FES: variants seen among roughly 807,000 people sequenced by gnomAD.
The protein encoded by FES is FES proto-oncogene, tyrosine kinase, also known as tyrosine-protein kinase Fes/Fps.
In FES, 83 loss-of-function variants were observed where a neutral mutation model predicts 109.6. That is an observed-to-expected ratio of 0.76 (90% CI 0.63 to 0.91). FES has a LOEUF of 0.91. Ranked by LOEUF, FES falls within the 40% of genes least tolerant of loss-of-function variation. The pLI is 0.00. For synonymous variants in FES, 458 were observed against 442.1 expected, an observed-to-expected ratio of 1.04 and a Z score of -0.45; for missense variants, 943 against 1,070.9, an observed-to-expected ratio of 0.88 and a Z score of 1.67.
At position 90,890,032 on chromosome 15, in the gene FES, C is replaced by T. The variant is rs1668929163; in HGVS notation, c.1050-60C>T. 2.7e-5 allele frequency: 42 copies of T among 1,573,986 alleles called. No individual in the cohort carries two copies. In the South Asian group the frequency reaches 4.4e-4, roughly 16 times the overall value. On this transcript the variant is annotated intron_variant, in intron 8 of 18. Coordinates refer to ENST00000328850, the MANE Select transcript of FES (RefSeq NM_002005.4). The stretch of plus-strand genomic sequence containing the variant: ...TCCTACCTACCCTAACTGCTGCTGG[C>T]TACCCGCCGCAGACCGAGCCCTTAT...
At chr15:90,891,913 C>A in intron 12 of FES, 145 bp from the exon 13 acceptor site, 3 of 1,105,714 alleles carry the variant, frequency 2.7e-6, no homozygotes, top group Non-Finnish European at 4.0e-6. Context: ...CCTGCCTGGA[C>A]CCCGTAGTCA....
Position 90,889,880 on chromosome 15 carries a change from A to T in FES, c.967A>T (p.Met323Leu), listed in dbSNP as rs56296062. 3.1e-6 allele frequency: 5 copies of T among 1,613,334 alleles called. No homozygotes were observed. The African/African-American group carries it at 6.7e-5, about 22-fold the overall frequency. ...VTDELAVATE[M>L]VFRRQEMVTQ... ...AGATGAGCTGGCTGTGGCCACCGAG[A>T]TGGTGTTCAGGCGGCAGGAGATGGT... Residue 323 changes from methionine to leucine, a missense_variant, in exon 8 of 19, where the codon ATG (methionine) becomes TTG (leucine). Met to Leu is a conservative substitution (Grantham distance 15). Coordinates refer to ENST00000328850, the MANE Select transcript of FES (RefSeq NM_002005.4). This position sits in a 1 kb window ranked among gnomAD's most constrained non-coding sequence, Gnocchi z 6.1.
At position 90,889,753 on chromosome 15, in the gene FES, G is replaced by A; in HGVS notation, c.927-87G>A. 1 of 1,603,594 alleles carries A rather than the reference G, an allele frequency of 6.2e-7. No homozygotes were observed. On this transcript the variant is annotated intron_variant, in intron 7 of 18. Transcript: ENST00000328850. This position sits in a 1 kb window ranked among gnomAD's most constrained non-coding sequence, Gnocchi z 6.1. ...CACAGAGCTGTCACCAGGTGGCCGG[G>A]CTTGCTTGGCTCTACAGGGATGCAC...
intron 5 of FES, among the ~76,000 whole-genome samples, chr15:90,887,998 A>G (rs2032824370): frequency 1.3e-5 from 2 of 152,348 alleles, no homozygotes; most frequent in South Asian, 4.1e-4. Flanking sequence ...TGGAGGAGGC[A>G]GGCGTCAAGG....
At position 90,889,373 on chromosome 15, in the gene FES, C is replaced by A. The variant is rs141047785; in HGVS notation, c.736C>A (p.Arg246=). The change falls in exon 6 of 19, where the codon CGG becomes AGG. Residue 246 remains arginine, a synonymous_variant. Coordinates refer to ENST00000328850, the MANE Select transcript of FES (RefSeq NM_002005.4). The surrounding 1 kb of genome is among the most constrained non-coding windows in gnomAD (Gnocchi z 6.1). ...LVQDEVVAIH[R]EMAAAAARIQ... ...GCAGGATGAGGTGGTGGCCATTCACCGGGAGATGGCTGCAGCTGCTGCCCG... is the reference window on the plus strand; with the variant it reads ...GCAGGATGAGGTGGTGGCCATTCACAGGGAGATGGCTGCAGCTGCTGCCCG... The A allele has an allele frequency of 2.5e-6, 4 of 1,614,012 alleles. No homozygotes were observed. The highest frequency in any genetic ancestry group is 3.4e-6 in the Non-Finnish European group (4 of 1,180,016).
rs527296372 is a variant in FES, at chr15:90,889,064, G to T, written c.669-242G>T. 2.2e-5 allele frequency: 12 copies of T among 533,818 alleles called. No individual in the cohort carries two copies. Among genetic ancestry groups the T allele is most frequent in the Non-Finnish European group, 4.0e-5 (12 of 301,296 alleles). 33.1% of individuals were successfully genotyped at this position (533,818 alleles called of 1,614,324 possible). A position where few individuals can be genotyped will look rare whatever the true frequency, so the allele number is the denominator to read the frequency against. On this transcript the variant is annotated intron_variant, in intron 5 of 18. Transcript: ENST00000328850. This position sits in a 1 kb window ranked among gnomAD's most constrained non-coding sequence, Gnocchi z 6.1. Reference sequence around the variant, plus strand: ...TCGACCTCCCAGTGTTGGTATTATAGGCGTGAGCCACTGTGCCTGGCCCAC... The same window carrying T: ...TCGACCTCCCAGTGTTGGTATTATATGCGTGAGCCACTGTGCCTGGCCCAC...
At chr15:90,892,940 T>C in intron 14 of FES, 115 bp downstream of exon 14, 1 of 1,331,092 alleles carries the variant, frequency 7.5e-7, no homozygotes, top group Non-Finnish European at 1.1e-6. Flanking sequence ...GGCCCCCCAT[T>C]GCGGGTAGTA....
In FES at chr15:90,895,488, A is replaced by T; in HGVS notation, c.2399A>T (p.Glu800Val). The stretch of plus-strand genomic sequence containing the variant: ...CTCATGGAGCAGTGCTGGGCCTATG[A>T]GCCTGGGCAGCGGCCCAGCTTCAGC... ...FRLMEQCWAYEPGQRPSFSTI... is the reference protein window; with the variant it reads ...FRLMEQCWAYVPGQRPSFSTI... Residue 800 changes from glutamate (E) to valine (V), a missense_variant, in exon 19 of 19, where the codon GAG (glutamate) becomes GTG (valine). Transcript: ENST00000328850. The T allele has an allele frequency of 1.3e-6, 2 of 1,598,916 alleles. No homozygotes were observed. Among genetic ancestry groups the T allele is most frequent in the Non-Finnish European group, 1.7e-6 (2 of 1,171,986 alleles).
chr15:90,885,275 C>A lies in FES; in HGVS notation c.213+17C>A, dbSNP rs370191682. On this transcript the variant is annotated intron_variant, in intron 2 of 18. Transcript: ENST00000328850. Reference sequence around the variant, plus strand: ...ATCAGTCAGGTGGGTCTCTATGGGACTCTGGTGGGTGCTGGCTGTATCTGC... The same window carrying A: ...ATCAGTCAGGTGGGTCTCTATGGGAATCTGGTGGGTGCTGGCTGTATCTGC... 108 of 1,600,500 alleles carry A rather than the reference C, an allele frequency of 6.7e-5. No homozygotes were observed. Among genetic ancestry groups the A allele is most frequent in the African/African-American group, 4.9e-4 (35 of 71,252 alleles).
At chr15:90,890,637 C>T in intron 10 of FES, 153 bp downstream of exon 10, 1 of 697,094 alleles carries the variant, frequency 1.4e-6, no homozygotes, top group Non-Finnish European at 2.4e-6. Context: ...GACCCTGCCC[C>T]TGTGACCCCT....
chr15:90,895,417 G>T lies in FES; in HGVS notation c.2328G>T (p.Gly776=). The change falls in exon 19 of 19, where the codon GGG becomes GGT. Residue 776 remains glycine (G), a splice_region_variant and synonymous_variant. Transcript: ENST00000328850. The part of the protein sequence containing the change: ...NQQTREFVEK[G]GRLPCPELCP... The stretch of plus-strand genomic sequence containing the variant: ...GGTGTGCTGTGCCTCTCCTCACAGG[G>T]GGCCGTCTGCCCTGCCCAGAGCTGT... The T allele has an allele frequency of 6.5e-7, 1 of 1,535,226 alleles. No homozygotes were observed.
chr15:90,887,486 C>CT (rs2151248930), intron 5 of FES, 116 bp downstream of exon 5: 1 of 1,120,316 alleles, frequency 8.9e-7, no homozygotes, highest in East Asian at 2.6e-5. Flanking sequence ...GCCATGTAAC[C>CT]ACATGAGAAC....
chr15:90,893,679 G>C lies in FES; in HGVS notation c.2071G>C (p.Val691Leu), dbSNP rs1327111940. The change falls in exon 17 of 19, where the codon GTG becomes CTG. Residue 691 changes from valine (V) to leucine (L), a missense_variant. Physicochemically the swap from Val to Leu is conservative, Grantham distance 32. Coordinates refer to ENST00000328850, the MANE Select transcript of FES (RefSeq NM_002005.4). The part of the protein sequence containing the change: ...HRDLAARNCL[V>L]TEKNVLKISD... ...GGACCTGGCTGCTCGGAACTGCCTG[G>C]TGACAGAGAAGAATGTCCTGAAGAT... 7 of 1,605,912 alleles carry C rather than the reference G, an allele frequency of 4.4e-6. No homozygotes were observed. Among genetic ancestry groups the C allele is most frequent in the Non-Finnish European group, 6.0e-6 (7 of 1,175,868 alleles).
intron 5 of FES, among the ~76,000 whole-genome samples, chr15:90,888,951 A>G (rs1246674965): frequency 6.6e-6 from 1 of 151,612 alleles, no homozygotes; most frequent in Non-Finnish European, 1.5e-5. Context: ...ATGCCTGGCT[A>G]ATTTTTGTAT....
chr15:90,885,238 C>A lies in FES; in HGVS notation c.193C>A (p.Pro65Thr). 6.2e-7 allele frequency: 1 copy of A among 1,612,950 alleles called. No individual in the cohort carries two copies. The highest frequency in any genetic ancestry group is 1.3e-5 in the African/African-American group (1 of 75,076). ...TGGGGGCCAGAGCCGGGCCATCAGC[C>A]CTGACAGCCCCATCAGTCAGGTGGG... is the stretch of plus-strand genomic sequence containing the variant. ...DSGGQSRAISPDSPISQSWAE... is the reference protein window; with the variant it reads ...DSGGQSRAISTDSPISQSWAE... The change falls in exon 2 of 19, where the codon CCT becomes ACT. Residue 65 changes from proline to threonine, a missense_variant. Coordinates refer to ENST00000328850, the MANE Select transcript of FES (RefSeq NM_002005.4).
At chr15:90,890,012 C>T in intron 8 of FES, 50 bp downstream of exon 8, 1 of 1,597,500 alleles carries the variant, frequency 6.3e-7, no homozygotes, top group Non-Finnish European at 8.5e-7. Context: ...CTCCCTCCTA[C>T]CTACCCTAAC....
intron 1 of FES, 32 bp from the exon 2 acceptor site, chr15:90,885,005 G>T (rs2032427496): frequency 6.5e-7 from 1 of 1,545,188 alleles, no homozygotes; most frequent in South Asian, 1.2e-5. Flanking sequence ...CTGCTGCCTT[G>T]CCTCCAGGGA....
rs2033388872 is a variant in FES at position 90,893,172 on chromosome 15, C to T, written c.1899C>T (p.Tyr633=). The change falls in exon 15 of 19, where the codon TAC becomes TAT. Residue 633 remains tyrosine, a synonymous_variant. Coordinates refer to ENST00000328850, the MANE Select transcript of FES (RefSeq NM_002005.4). ...TCTGCACCCAGAAGCAGCCCATCTA[C>T]ATCGTCATGGAGCTTGTGCAGGGTG... is the stretch of plus-strand genomic sequence containing the variant. ...IGVCTQKQPI[Y]IVMELVQGGD... The T allele has an allele frequency of 6.2e-7, 1 of 1,614,018 alleles. No individual in the cohort carries two copies. The highest frequency in any genetic ancestry group is 8.5e-7 in the Non-Finnish European group (1 of 1,179,978).
Position 90,892,959 on chromosome 15 carries a change from T to C in FES, c.1826+134T>C, listed in dbSNP as rs1350541088. ...CCCCATTGCGGGTAGTACCCCCTTA[T>C]AGTGCCGAAGGGTAGAGGCTGCCCC... On this transcript the variant is annotated intron_variant, in intron 14 of 18. Transcript: ENST00000328850. 1.4e-5 allele frequency: 18 copies of C among 1,306,956 alleles called. No homozygotes were observed. The South Asian group carries it at 2.1e-4, about 15-fold the overall frequency. The allele number at this position is 1,306,956 out of a possible 1,614,324, so 81.0% of individuals were successfully genotyped here.
Sources: gnomAD v4.1 joint callset for allele counts (sites outside exome capture counted in the v4.1 genomes callset) on GRCh38, gnomAD v4.1.1 for gene constraint, Gnocchi (gnomAD v3.1) non-coding constraint, MANE v1.5 for transcripts, NCBI Gene and HGNC (gene_info 2026-07-23, HGNC 2026-07-21) for gene names.